The following FGD2 variants were observed in gnomAD, a reference collection of about 807,000 sequenced individuals.
FGD2 encodes FYVE, RhoGEF and PH domain containing 2.
FGD2 carries 52 observed loss-of-function variants against 75.9 expected under a neutral mutation model. The ratio of observed to expected loss-of-function variants is 0.69; its 90% CI spans 0.55 to 0.86. The LOEUF (loss-of-function observed/expected upper bound fraction) is 0.86. Among genes scored for constraint, FGD2 ranks in the 40% least tolerant of loss-of-function variants. The probability of loss-of-function intolerance (pLI) is 0.00; values close to 1 mark genes in which losing one functional copy is unlikely to be tolerated. For missense variants in FGD2, 790 were observed against 872.0 expected, an observed-to-expected ratio of 0.91 and a Z score of 1.18; for synonymous variants, 347 against 348.6, an observed-to-expected ratio of 1.00 and a Z score of 0.05.
intron 4 of FGD2, chr6:37,013,259 C>T (rs1194140143): frequency 4.7e-6 from 1 of 210,646 alleles, no homozygotes; most frequent in African/African-American, 2.3e-5. Context: ...GTGAGAATTA[C>T]ATGGAATGAG....
At chr6:37,026,712 T>C (rs1765837130) in intron 14 of FGD2, among the ~76,000 whole-genome samples, 1 of 152,100 alleles carries the variant, frequency 6.6e-6, no homozygotes, top group Non-Finnish European at 1.5e-5. Context: ...CAAGTTGGCC[T>C]CTTTTGGCCA....
In FGD2 at chr6:37,011,016, A is replaced by T. The variant is rs1561927144; in HGVS notation, c.344A>T (p.Gln115Leu). 1 of 1,614,140 alleles carries T rather than the reference A, an allele frequency of 6.2e-7. No homozygotes were observed. Among genetic ancestry groups the T allele is most frequent in the East Asian group, 2.2e-5 (1 of 44,874 alleles). The stretch of plus-strand genomic sequence containing the variant: ...GTCCAGGAGCTGCTGGAGACAGAGC[A>T]GGCCTATGTGGCGCGCCTCCACCTG... ...KIVQELLETE[Q>L]AYVARLHLLD... Residue 115 changes from glutamine to leucine, a missense_variant, in exon 3 of 16, where the codon CAG (glutamine) becomes CTG (leucine). By Grantham distance (113) the Gln-to-Leu change is moderately radical. Coordinates refer to ENST00000274963, the MANE Select transcript of FGD2 (RefSeq NM_173558.4).
rs1765537165 is a variant in FGD2 at position 37,020,718 on chromosome 6, GGAAAT to G, written c.1215_1219del (p.Glu405AspfsTer12). On this transcript the variant is annotated frameshift_variant, in exon 11 of 16. Coordinates refer to ENST00000274963, the MANE Select transcript of FGD2 (RefSeq NM_173558.4). LOFTEE classifies it high-confidence loss of function. ...TTCACTTTCCGAGCAGGTCCCAGGA[GGAAAT>G]GATTTCCTGGATGCAGGTATGGGAA... 12 of 1,571,786 alleles carry G rather than the reference GGAAAT, an allele frequency of 7.6e-6. No homozygotes were observed. Among genetic ancestry groups the G allele is most frequent in the Non-Finnish European group, 9.5e-6 (11 of 1,156,910 alleles).
At position 37,014,934 on chromosome 6, in the gene FGD2, C is replaced by G. The variant is rs1765208295; in HGVS notation, c.925C>G (p.Leu309Val). The change falls in exon 8 of 16, where the codon CTC becomes GTC. Residue 309 changes from leucine to valine, a missense_variant. By Grantham distance (32) the Leu-to-Val change is conservative (BLOSUM62 1). Transcript: ENST00000274963. ...GTGGGAGGTGTACCAGCGCCTGGGCCTCGAGGACGACATAGTAGACCCCTC... is the reference window on the plus strand; with the variant it reads ...GTGGGAGGTGTACCAGCGCCTGGGCGTCGAGGACGACATAGTAGACCCCTC... Reference protein sequence around the residue: ...DLWEVYQRLGLEDDIVDPSNT... With the variant: ...DLWEVYQRLGVEDDIVDPSNT... 6.2e-7 allele frequency: 1 copy of G among 1,614,036 alleles called. No individual in the cohort carries two copies.
intron 2 of FGD2, 134 bp from the exon 3 acceptor site, chr6:37,010,839 A>C: frequency 1.3e-6 from 1 of 798,182 alleles, no homozygotes. Flanking sequence ...GCCCAGATGC[A>C]CTGCGGGAGG....
At chr6:37,022,757 C>T (rs1319666146) in intron 13 of FGD2, 1 of 200,376 alleles carries the variant, frequency 5.0e-6, no homozygotes, top group Non-Finnish European at 1.0e-5. Flanking sequence ...CCTCTACCCA[C>T]CCAGCTCAGG....
intron 6 of FGD2, 102 bp downstream of exon 6, chr6:37,014,202 C>T: frequency 7.4e-7 from 1 of 1,353,362 alleles, no homozygotes; most frequent in Non-Finnish European, 1.0e-6. Context: ...CATCAGTCAT[C>T]AACATCAACC....
intron 1 of FGD2, 61 bp from the exon 2 acceptor site, chr6:37,008,773 C>A: frequency 6.8e-7 from 1 of 1,472,572 alleles, no homozygotes; most frequent in Non-Finnish European, 9.1e-7. Context: ...ACACCAGGGA[C>A]TTGCTGCTGT....
At chr6:37,015,948 A>G (rs1306613009) in intron 9 of FGD2, 88 bp downstream of exon 9, 8 of 1,218,374 alleles carry the variant, frequency 6.6e-6, no homozygotes, top group Middle Eastern at 1.9e-4. Flanking sequence ...CAGGTTCTCA[A>G]TCACAGAACC....
intron 2 of FGD2, among the ~76,000 whole-genome samples, chr6:37,010,698 C>T (rs141641102): frequency 1.4e-3 from 213 of 152,308 alleles, no homozygotes; most frequent in African/African-American, 4.5e-3. Flanking sequence ...TCAGAGCTGC[C>T]AGACCCCTTG....
intron 13 of FGD2, chr6:37,025,538 G>A (rs746677948): frequency 4.7e-5 from 24 of 511,114 alleles, no homozygotes; most frequent in Admixed American, 2.9e-4. Flanking sequence ...TACGGCCCTC[G>A]CGGTGGGGGC....
At chr6:37,007,844 C>T (rs1193412968) in intron 1 of FGD2, among the ~76,000 whole-genome samples, 1 of 152,184 alleles carries the variant, frequency 6.6e-6, no homozygotes, top group African/African-American at 2.4e-5. Flanking sequence ...GTGGGAGAGC[C>T]TGGGAGTAGC....
At chr6:37,020,679 C>T in intron 10 of FGD2, 30 bp from the exon 11 acceptor site, 1 of 1,576,890 alleles carries the variant, frequency 6.3e-7, no homozygotes, top group Non-Finnish European at 8.6e-7. Flanking sequence ...GGGCTGATCT[C>T]CTCAACACCT....
chr6:37,006,030 C>A, intron 1 of FGD2, 145 bp downstream of exon 1: 2 of 912,994 alleles, frequency 2.2e-6, no homozygotes, highest in Non-Finnish European at 3.4e-6. Context: ...TTCCTTGGAG[C>A]ATGGGAGAGT....
At position 37,028,507 on chromosome 6, in the gene FGD2, T is replaced by C. The variant is rs1765939082; in HGVS notation, c.*344T>C. On this transcript the variant is annotated 3_prime_UTR_variant, in exon 16 of 16. Transcript: ENST00000274963. ...TATCTCCTGGGGAGCTTTTAAAGAGTACTGGTGAAAAACACATAGTAAATT... is the reference window on the plus strand; with the variant it reads ...TATCTCCTGGGGAGCTTTTAAAGAGCACTGGTGAAAAACACATAGTAAATT... 1 of 272,282 alleles carries C rather than the reference T, an allele frequency of 3.7e-6. No homozygotes were observed. Among genetic ancestry groups the C allele is most frequent in the East Asian group, 6.3e-5 (1 of 15,850 alleles). 16.9% of individuals were successfully genotyped at this position (272,282 alleles called of 1,614,324 possible).
rs1272078017 is a variant in FGD2 at position 37,025,908 on chromosome 6, C to T, written c.1575C>T (p.Ala525=). The change falls in exon 14 of 16, where the codon GCC becomes GCT. Residue 525 remains alanine (A), a synonymous_variant. Coordinates refer to ENST00000274963, the MANE Select transcript of FGD2 (RefSeq NM_173558.4). ...AFLTGNVLPE[A]KEDKRRGILE... ...TCACTGGAAATGTGCTGCCTGAGGC[C>T]AAGGAGGACAAGAGGCGGGGCATCC... is the stretch of plus-strand genomic sequence containing the variant. The T allele has an allele frequency of 6.2e-7, 1 of 1,614,194 alleles. No homozygotes were observed. Among genetic ancestry groups the T allele is most frequent in the Non-Finnish European group, 8.5e-7 (1 of 1,180,038 alleles).
At position 37,008,848 on chromosome 6, in the gene FGD2, C is replaced by A; in HGVS notation, c.83C>A (p.Ala28Glu). Residue 28 changes from alanine to glutamate, a missense_variant, in exon 2 of 16, where the codon GCA (alanine) becomes GAA (glutamate). Coordinates refer to ENST00000274963, the MANE Select transcript of FGD2 (RefSeq NM_173558.4). ...CTTCTCCTCAGGACCCCAGAAGCAG[C>A]ACCCAGAGGCCAGAGGCTAGAGGAC... ...VFENSRTPEA[A>E]PRGQRLEDVH... The A allele has an allele frequency of 6.3e-7, 1 of 1,592,670 alleles. No homozygotes were observed. The highest frequency in any genetic ancestry group is 1.1e-5 in the South Asian group (1 of 89,012).
intron 11 of FGD2, 136 bp from the exon 12 acceptor site, chr6:37,021,376 G>A (rs831503): frequency 0.46 from 319,740 of 689,298 alleles, 74,797 homozygotes; most frequent in South Asian, 0.53. Flanking sequence ...AAGGCAGCCC[G>A]CGTGTGTGTA....
rs1005908908 is a variant in FGD2 at position 37,016,212 on chromosome 6, G to T, written c.1122+352G>T. Among the ~76,000 whole-genome samples, 5 of 152,262 alleles carry T rather than the reference G, an allele frequency of 3.3e-5. No individual in the cohort carries two copies. In the South Asian group the frequency reaches 8.3e-4, roughly 25 times the overall value. On this transcript the variant is annotated intron_variant, in intron 9 of 15. Transcript: ENST00000274963. ...GGTTCTGAATCAGGAGGTCTGGGTG[G>T]GGGGGTGCCTGAGATCCTGCATTTC...
Sources: allele counts gnomAD v4.1 joint callset (sites outside exome capture counted in the v4.1 genomes callset), GRCh38; gene constraint gnomAD v4.1.1; transcripts MANE v1.5; gene names NCBI Gene and HGNC (gene_info 2026-07-23, HGNC 2026-07-21).